The following POU6F2 variants were observed in gnomAD, a reference collection of about 807,000 sequenced individuals.
POU6F2 encodes POU domain, class 6, transcription factor 2.
A neutral mutation model predicts 71.3 loss-of-function variants in POU6F2; 31 were observed. The ratio of observed to expected loss-of-function variants is 0.43; its 90% CI spans 0.33 to 0.59. The LOEUF is 0.59. POU6F2 is among the 20% of genes least tolerant of loss of function. The probability of loss-of-function intolerance (pLI) is 0.04; values close to 1 mark genes in which losing one functional copy is unlikely to be tolerated. For synonymous variants in POU6F2, 347 were observed against 355.7 expected, an observed-to-expected ratio of 0.98 and a Z score of 0.27; for missense variants, 783 against 856.8, an observed-to-expected ratio of 0.91 and a Z score of 1.07.
intron 4 of POU6F2, among the ~76,000 whole-genome samples, chr7:39,213,980 A>G (rs930690780): frequency 9.2e-5 from 14 of 152,182 alleles, no homozygotes; most frequent in Admixed American, 7.9e-4. Context: ...CAGTCCCTGT[A>G]TAGCTTATAG....
chr7:39,391,775 G>A (rs1338285689), intron 5 of POU6F2, among the ~76,000 whole-genome samples: 1 of 152,184 alleles, frequency 6.6e-6, no homozygotes, highest in East Asian at 1.9e-4. Flanking sequence ...AACCTTGAAA[G>A]CCTTTGTCTG....
chr7:39,318,734 C>T (rs946903719), intron 4 of POU6F2, among the ~76,000 whole-genome samples: 11 of 152,194 alleles, frequency 7.2e-5, no homozygotes, highest in African/African-American at 2.4e-4. Flanking sequence ...TGGTTCTTCC[C>T]TTACCCCCAA....
chr7:39,410,273 C>T (rs1482830015), intron 6 of POU6F2, among the ~76,000 whole-genome samples: 2 of 152,156 alleles, frequency 1.3e-5, no homozygotes, highest in African/African-American at 4.8e-5. Flanking sequence ...TGTGCCACTG[C>T]ACTCCAGCCT....
At chr7:39,441,648 G>T (rs1395329812) in intron 7 of POU6F2, among the ~76,000 whole-genome samples, 4 of 152,220 alleles carry the variant, frequency 2.6e-5, no homozygotes, top group Non-Finnish European at 5.9e-5. Context: ...ATCAAATGCT[G>T]CAGAAATAAA....
chr7:39,179,161 A>G (rs1429621117), intron 2 of POU6F2, among the ~76,000 whole-genome samples: 1 of 152,198 alleles, frequency 6.6e-6, no homozygotes, highest in African/African-American at 2.4e-5. Context: ...CTGCTACTAT[A>G]TCAAGACGAT....
chr7:39,071,913 ATTTACT>A lies in POU6F2; in HGVS notation c.106-13944_106-13939del, dbSNP rs1029659330. On this transcript the variant is annotated intron_variant, in intron 1 of 9. Transcript: ENST00000518318. ...TAATTCAAAAGATGATTTCTTGCTG[ATTTACT>A]TTAACGAAGTATTCAGCAGGCTTGA... is the stretch of plus-strand genomic sequence containing the variant. Among the ~76,000 whole-genome samples the A allele has an allele frequency of 2.1e-4, 32 of 152,146 alleles. 1 individual carries two copies. The highest frequency in any genetic ancestry group is 1.2e-3 in the Admixed American group (19 of 15,272).
chr7:39,232,956 C>G (rs1003324724), intron 4 of POU6F2, among the ~76,000 whole-genome samples: 2 of 152,104 alleles, frequency 1.3e-5, no homozygotes, highest in African/African-American at 4.8e-5. Context: ...CAGGACTATT[C>G]CTTGGTTTTT....
intron 1 of POU6F2, among the ~76,000 whole-genome samples, chr7:38,992,114 C>T (rs1562657681): frequency 1.3e-5 from 2 of 152,142 alleles, no homozygotes; most frequent in Admixed American, 6.6e-5. Context: ...TGGCCTGTAG[C>T]GGGAGCTCAG....
intron 5 of POU6F2, among the ~76,000 whole-genome samples, chr7:39,348,356 C>T (rs1490963420): frequency 6.6e-6 from 1 of 152,168 alleles, no homozygotes. Context: ...GATCTTTAAA[C>T]CCATTTTTAT....
chr7:39,379,796 A>G (rs776160234), intron 5 of POU6F2, among the ~76,000 whole-genome samples: 3 of 152,172 alleles, frequency 2.0e-5, no homozygotes, highest in Non-Finnish European at 2.9e-5. Context: ...TTCAGAGAGA[A>G]CTGTTCGCTT....
At chr7:39,321,207 C>A (rs755786020) in intron 4 of POU6F2, among the ~76,000 whole-genome samples, 2 of 152,102 alleles carry the variant, frequency 1.3e-5, no homozygotes, top group Non-Finnish European at 2.9e-5. Flanking sequence ...GAAAGAAAAA[C>A]CACAAGATAA....
chr7:39,460,512 A>G lies in POU6F2; in HGVS notation c.1490-35A>G, dbSNP rs756058136. On this transcript the variant is annotated intron_variant, in intron 8 of 9. Transcript: ENST00000518318. This position sits in a 1 kb window ranked among gnomAD's most constrained non-coding sequence, Gnocchi z 4.4. ...ACAGATATTGCTCGGCTGTGTGTTG[A>G]CGTATTGATCCTATTTTTAAAAACA... 3 of 1,605,076 alleles carry G rather than the reference A, an allele frequency of 1.9e-6. No homozygotes were observed. The highest frequency in any genetic ancestry group is 1.1e-5 in the South Asian group (1 of 89,400).
At chr7:39,235,089 G>T (rs1263611734) in intron 4 of POU6F2, among the ~76,000 whole-genome samples, 1 of 152,158 alleles carries the variant, frequency 6.6e-6, no homozygotes, top group African/African-American at 2.4e-5. Context: ...GTGCTTTGGG[G>T]TCAGCCCCTT....
At chr7:39,458,027 TA>T (rs1788845934) in intron 8 of POU6F2, among the ~76,000 whole-genome samples, 1 of 75,644 alleles carries the variant, frequency 1.3e-5, no homozygotes, top group Admixed American at 1.6e-4. Flanking sequence ...CGCCCCCCCA[TA>T]ACATTTTAAT....
At chr7:39,435,121 A>G (rs908958509) in intron 7 of POU6F2, among the ~76,000 whole-genome samples, 2 of 152,100 alleles carry the variant, frequency 1.3e-5, no homozygotes, top group Non-Finnish European at 2.9e-5. Context: ...TACAGTAGAA[A>G]GATTTATATT....
At chr7:39,283,192 G>GT (rs1447540252) in intron 4 of POU6F2, among the ~76,000 whole-genome samples, 3 of 152,012 alleles carry the variant, frequency 2.0e-5, no homozygotes, top group African/African-American at 7.2e-5. Flanking sequence ...GAGTCTTAAA[G>GT]TTTTTTTATA....
At chr7:39,287,416 C>T (rs1471031696) in intron 4 of POU6F2, among the ~76,000 whole-genome samples, 4 of 152,146 alleles carry the variant, frequency 2.6e-5, no homozygotes, top group Non-Finnish European at 5.9e-5. Flanking sequence ...AAGCTAACGT[C>T]CAGATTTCTA....
At chr7:39,365,318 G>A (rs1786477547) in intron 5 of POU6F2, among the ~76,000 whole-genome samples, 1 of 152,076 alleles carries the variant, frequency 6.6e-6, no homozygotes, top group Non-Finnish European at 1.5e-5. Flanking sequence ...AATGGTGCTG[G>A]GATAATTGGC....
intron 5 of POU6F2, among the ~76,000 whole-genome samples, chr7:39,391,430 G>A (rs1432262596): frequency 4.0e-5 from 6 of 151,716 alleles, no homozygotes; most frequent in African/African-American, 1.5e-4. Context: ...GAGAAGTATA[G>A]AGGCATAATG....
Sources: gnomAD v4.1 joint callset for allele counts (sites outside exome capture counted in the v4.1 genomes callset) on GRCh38, gnomAD v4.1.1 for gene constraint, Gnocchi (gnomAD v3.1) non-coding constraint, MANE v1.5 for transcripts, NCBI Gene and HGNC (gene_info 2026-07-23, HGNC 2026-07-21) for gene names.